Variants in CNOT4 observed in about 807,000 individuals in gnomAD.
CNOT4 encodes CCR4-NOT transcription complex subunit 4.
CNOT4 carries 8 observed loss-of-function variants against 73.8 expected under a neutral mutation model. The observed-to-expected ratio is 0.11, with a 90% confidence interval of 0.06 to 0.20. The LOEUF (loss-of-function observed/expected upper bound fraction) is 0.20, where lower values mean the gene tolerates loss of function less well. CNOT4 is among the 10% of genes least tolerant of loss of function. The pLI is 1.00. For missense variants in CNOT4, 564 were observed against 883.4 expected (o/e 0.64, Z 4.58); for synonymous variants, 293 against 321.1 (o/e 0.91, Z 0.94).
chr7:135,457,469 C>A (rs1800615986), intron 1 of CNOT4, among the ~76,000 whole-genome samples: 1 of 151,938 alleles, frequency 6.6e-6, no homozygotes, highest in South Asian at 2.1e-4. Context: ...AAGGGATATA[C>A]CTTAAAATAG....
chr7:135,438,690 A>T (rs768675709), intron 1 of CNOT4, among the ~76,000 whole-genome samples: 1 of 152,240 alleles, frequency 6.6e-6, no homozygotes, highest in Admixed American at 6.5e-5. Context: ...AGCACTCATC[A>T]TAACACATTT....
At chr7:135,423,053 A>C (rs977833346) in intron 2 of CNOT4, among the ~76,000 whole-genome samples, 7 of 152,224 alleles carry the variant, frequency 4.6e-5, no homozygotes, top group African/African-American at 1.7e-4. Flanking sequence ...TGTAAAATGG[A>C]AACTACAGTA....
intron 10 of CNOT4, among the ~76,000 whole-genome samples, chr7:135,369,872 T>C (rs1042247426): frequency 1.3e-5 from 2 of 152,202 alleles, no homozygotes; most frequent in African/African-American, 4.8e-5. Context: ...GTGACTCAAA[T>C]ACAAATGATT....
intron 1 of CNOT4, among the ~76,000 whole-genome samples, chr7:135,460,555 C>T (rs554297280): frequency 2.0e-5 from 3 of 152,170 alleles, no homozygotes; most frequent in South Asian, 2.1e-4. Context: ...CATCATTTTA[C>T]GTAGGTGCAG....
At chr7:135,414,954 C>T (rs1215026185) in intron 4 of CNOT4, among the ~76,000 whole-genome samples, 1 of 151,976 alleles carries the variant, frequency 6.6e-6, no homozygotes, top group East Asian at 1.9e-4. Flanking sequence ...CCTTTCACTC[C>T]ATCACTAAAT....
Position 135,398,177 on chromosome 7 carries a change from A to C in CNOT4, c.871T>G (p.Ser291Ala), listed in dbSNP as rs1435159453. ...DSLSIGNGDNSQQISNSDTPS... is the reference protein window; with the variant it reads ...DSLSIGNGDNAQQISNSDTPS... ...CTGTATTCAAATCTTACCTGCTGGG[A>C]ATTATCACCGTTCCCTATACTGAGA... The change falls in exon 8 of 12, where the codon TCC becomes GCC. Residue 291 changes from serine to alanine, a missense_variant. Ser to Ala is a moderately conservative substitution (Grantham distance 99, BLOSUM62 1). Around this residue, in one of 10 missense-constraint regions of CNOT4, gnomAD observed 135 missense variants for 154.0 expected, o/e 0.88. Transcript: ENST00000541284. 6.5e-7 allele frequency: 1 copy of C among 1,533,906 alleles called. No homozygotes were observed. The highest frequency in any genetic ancestry group is 9.0e-7 in the Non-Finnish European group (1 of 1,107,930).
intron 2 of CNOT4, among the ~76,000 whole-genome samples, chr7:135,425,471 T>C (rs928284576): frequency 2.0e-5 from 3 of 152,262 alleles, no homozygotes; most frequent in African/African-American, 7.2e-5. Flanking sequence ...CACTGAGTTA[T>C]ATTGTTCTCT....
At chr7:135,415,652 CA>C (rs1286599590) in intron 3 of CNOT4, among the ~76,000 whole-genome samples, 2 of 151,942 alleles carry the variant, frequency 1.3e-5, no homozygotes, top group Admixed American at 6.6e-5. Context: ...AAACAATGAC[CA>C]AAATTATGTA....
intron 1 of CNOT4, among the ~76,000 whole-genome samples, chr7:135,460,191 C>T (rs978107611): frequency 2.0e-5 from 3 of 152,188 alleles, no homozygotes; most frequent in Non-Finnish European, 2.9e-5. Context: ...TTCTCCATGT[C>T]CACAATAAGG....
At chr7:135,454,372 G>A (rs1563059989) in intron 1 of CNOT4, among the ~76,000 whole-genome samples, 1 of 151,944 alleles carries the variant, frequency 6.6e-6, no homozygotes, top group Non-Finnish European at 1.5e-5. Context: ...AATAAAACAA[G>A]GCCGGGCACA....
rs774272003 is a variant in CNOT4 at position 135,394,419 on chromosome 7, T to C, written c.1130-4A>G. On this transcript the variant is annotated splice_region_variant and splice_polypyrimidine_tract_variant and intron_variant, in intron 9 of 11. Coordinates refer to ENST00000541284, the MANE Select transcript of CNOT4 (RefSeq NM_001190850.2). ...GAGGATGATACTGGGATTGTTTCTGTTGGGAAGAAAAATAGTGATGAATAT... is the reference window on the plus strand; with the variant it reads ...GAGGATGATACTGGGATTGTTTCTGCTGGGAAGAAAAATAGTGATGAATAT... 3 of 1,593,264 alleles carry C rather than the reference T, an allele frequency of 1.9e-6. No homozygotes were observed. Among genetic ancestry groups the C allele is most frequent in the Non-Finnish European group, 2.6e-6 (3 of 1,169,380 alleles).
At chr7:135,365,155 C>G (rs775699062) in intron 10 of CNOT4, among the ~76,000 whole-genome samples, 7 of 152,126 alleles carry the variant, frequency 4.6e-5, no homozygotes, top group Non-Finnish European at 8.8e-5. Context: ...TTGCTTTGCA[C>G]CAACCACTGA....
chr7:135,510,090 G>A lies in CNOT4; in HGVS notation c.-294C>T, dbSNP rs576733776. The A allele has an allele frequency of 7.5e-6, 3 of 399,026 alleles. No individual in the cohort carries two copies. The highest frequency in any genetic ancestry group is 4.1e-5 in the African/African-American group (2 of 48,766). 24.7% of individuals were successfully genotyped at this position (399,026 alleles called of 1,614,324 possible). The stretch of plus-strand genomic sequence containing the variant: ...AGACGGGCCACCATCTTACATTAGG[G>A]TAAGACTCCTCCGGCCTCCCGTGCG... On this transcript the variant is annotated 5_prime_UTR_variant, in exon 1 of 12. Transcript: ENST00000541284.
At chr7:135,473,311 T>C (rs1801760056) in intron 1 of CNOT4, among the ~76,000 whole-genome samples, 1 of 152,130 alleles carries the variant, frequency 6.6e-6, no homozygotes, top group South Asian at 2.1e-4. Flanking sequence ...AAAAACCATA[T>C]TCAAAAGCAA....
At chr7:135,497,135 T>C (rs1224773923) in intron 1 of CNOT4, among the ~76,000 whole-genome samples, 3 of 151,708 alleles carry the variant, frequency 2.0e-5, no homozygotes, top group African/African-American at 4.8e-5. Context: ...GGGTCAGGCA[T>C]GGTGGCTCAC....
At chr7:135,463,428 T>C (rs543773920) in intron 1 of CNOT4, among the ~76,000 whole-genome samples, 213 of 151,508 alleles carry the variant, frequency 1.4e-3, no homozygotes, top group African/African-American at 5.0e-3. Context: ...ATCTCGGCTA[T>C]TCGGGGGGCT....
At position 135,405,604 on chromosome 7, in the gene CNOT4, T is replaced by C. The variant is rs146011970; in HGVS notation, c.821+4911A>G. On this transcript the variant is annotated intron_variant, in intron 7 of 11. Coordinates refer to ENST00000541284, the MANE Select transcript of CNOT4 (RefSeq NM_001190850.2). ...TTCAAAGCAACTTATTCATAGCACA[T>C]ATATAGTTCAAAACTCATTAAGACT... Among the ~76,000 whole-genome samples the C allele has an allele frequency of 2.6e-5, 4 of 152,330 alleles. No individual in the cohort carries two copies. In the East Asian group the frequency reaches 5.8e-4, roughly 22 times the overall value.
intron 1 of CNOT4, among the ~76,000 whole-genome samples, chr7:135,443,420 T>G (rs1799615191): frequency 6.6e-6 from 1 of 151,242 alleles, no homozygotes; most frequent in South Asian, 2.1e-4. Context: ...AAGAACACAC[T>G]ATATCCTTTA....
intron 1 of CNOT4, among the ~76,000 whole-genome samples, chr7:135,502,039 CCT>C (rs997158402): frequency 1.3e-4 from 20 of 152,198 alleles, no homozygotes; most frequent in African/African-American, 4.8e-4. Context: ...GTTCTCTCAC[CCT>C]CTCTTGCTCT....
Sources: gnomAD v4.1 joint callset for allele counts (sites outside exome capture counted in the v4.1 genomes callset) on GRCh38, gnomAD v4.1.1 for gene constraint, gnomAD v4.1.1 regional missense constraint, MANE v1.5 for transcripts, NCBI Gene and HGNC (gene_info 2026-07-23, HGNC 2026-07-21) for gene names.